Variants in NBAS observed in about 807,000 individuals in gnomAD.
NBAS encodes the protein NBAS subunit of NRZ tethering complex.
In NBAS, 219 loss-of-function variants were observed where a neutral mutation model predicts 302.5. The observed-to-expected ratio is 0.72, with a 90% CI of 0.65 to 0.81. The LOEUF (loss-of-function observed/expected upper bound fraction) is 0.81, where lower values mean the gene tolerates loss of function less well. NBAS is among the 30% of genes least tolerant of loss of function. The pLI is 0.00. For missense variants in NBAS, 2,932 were observed against 2,841.6 expected (o/e 1.03, Z -0.72); for synonymous variants, 1,118 against 1,021.6 (o/e 1.09, Z -1.80).
At chr2:15,106,900 T>C in the NBAS span, among the ~76,000 whole-genome samples, 16 of 152,004 alleles carry the variant, frequency 1.1e-4, no homozygotes, top group African/African-American at 3.6e-4. Context: ...TGAGAATTGG[T>C]ATAAAACACA....
intron 47 of NBAS, among the ~76,000 whole-genome samples, chr2:15,229,646 G>A (rs934346485): frequency 6.6e-6 from 1 of 151,788 alleles, no homozygotes; most frequent in Non-Finnish European, 1.5e-5. Flanking sequence ...GCTGGACATG[G>A]TGGCAGGCAA....
intron 42 of NBAS, among the ~76,000 whole-genome samples, chr2:15,285,194 T>C (rs1669983912): frequency 6.6e-6 from 1 of 152,124 alleles, no homozygotes; most frequent in Admixed American, 6.5e-5. Flanking sequence ...AGCAATTTAA[T>C]AAATACTTAA....
the NBAS span, among the ~76,000 whole-genome samples, chr2:15,140,581 C>T: frequency 2.0e-5 from 3 of 152,178 alleles, no homozygotes; most frequent in African/African-American, 7.2e-5. Context: ...TACAGGAAAG[C>T]ATTTGGTAAA....
At chr2:15,209,783 T>A (rs1350706944) in intron 48 of NBAS, among the ~76,000 whole-genome samples, 1 of 151,990 alleles carries the variant, frequency 6.6e-6, no homozygotes, top group Non-Finnish European at 1.5e-5. Context: ...TACACAAACA[T>A]CAGTGGAACA....
chr2:14,788,442 C>A, the NBAS span, among the ~76,000 whole-genome samples: 1 of 152,076 alleles, frequency 6.6e-6, no homozygotes, highest in Non-Finnish European at 1.5e-5. Context: ...TTTTCCCCAT[C>A]TTTGTGGTTT....
chr2:15,215,978 G>A (rs1337931372), intron 48 of NBAS, among the ~76,000 whole-genome samples: 1 of 152,096 alleles, frequency 6.6e-6, no homozygotes, highest in Non-Finnish European at 1.5e-5. Flanking sequence ...AGAAGTTGTT[G>A]GTGTTTCCAT....
chr2:15,536,270 T>G, intron 8 of NBAS, 148 bp downstream of exon 8: 1 of 878,656 alleles, frequency 1.1e-6, no homozygotes, highest in Non-Finnish European at 1.7e-6. Flanking sequence ...GTAATGGGTG[T>G]TCACCACACC....
chr2:15,405,272 G>C (rs1362219906), intron 25 of NBAS, among the ~76,000 whole-genome samples: 2 of 152,140 alleles, frequency 1.3e-5, no homozygotes, highest in Non-Finnish European at 2.9e-5. Context: ...TTCTCTCTCT[G>C]TATTCCTATG....
chr2:15,467,268 C>T (rs539504625), intron 19 of NBAS, 61 bp downstream of exon 19: 10 of 1,175,818 alleles, frequency 8.5e-6, no homozygotes, highest in Admixed American at 5.1e-5. Flanking sequence ...TTAGGGCAGC[C>T]ATAGCATTTA....
the NBAS span, among the ~76,000 whole-genome samples, chr2:15,020,380 G>T: frequency 6.6e-6 from 1 of 152,212 alleles, no homozygotes; most frequent in Non-Finnish European, 1.5e-5. Flanking sequence ...CAAGAAGTGT[G>T]CTGGTGAATG....
intron 35 of NBAS, among the ~76,000 whole-genome samples, chr2:15,338,013 G>A (rs1459521931): frequency 1.3e-5 from 2 of 152,156 alleles, no homozygotes; most frequent in Non-Finnish European, 2.9e-5. Flanking sequence ...TTAATGTAAA[G>A]TGTGTTACAC....
chr2:15,389,810 G>GTGCA (rs1675498492), intron 28 of NBAS, among the ~76,000 whole-genome samples: 1 of 152,222 alleles, frequency 6.6e-6, no homozygotes. Context: ...CCAGACTGGA[G>GTGCA]TGCAGTGGCA....
At chr2:15,220,249 GC>G (rs1254393752) in intron 47 of NBAS, among the ~76,000 whole-genome samples, 1 of 151,442 alleles carries the variant, frequency 6.6e-6, no homozygotes, top group East Asian at 1.9e-4. Flanking sequence ...CCCAGTAGGG[GC>G]GGCCGGGCAG....
Position 15,179,005 on chromosome 2 carries a change from T to C in NBAS, c.6823A>G (p.Ile2275Val), listed in dbSNP as rs1161309109. 1.9e-6 allele frequency: 3 copies of C among 1,613,664 alleles called. No homozygotes were observed. The highest frequency in any genetic ancestry group is 2.5e-6 in the Non-Finnish European group (3 of 1,179,974). Residue 2275 changes from isoleucine (I) to valine (V), a missense_variant, in exon 51 of 52, where the codon ATC becomes GTC. Physicochemically the swap from Ile to Val is conservative, Grantham distance 29 (BLOSUM62 3). Coordinates refer to ENST00000281513, the MANE Select transcript of NBAS (RefSeq NM_015909.4). ...GGGCATACCGTAGTGACTGCCGTGA[T>C]TTGCTCCAGTGCCATCTCGTGCAGA... ...EHLHEMALEQITAVTTVNDSN... is the reference protein window; with the variant it reads ...EHLHEMALEQVTAVTTVNDSN...
At chr2:15,233,900 T>G (rs2147931870) in intron 46 of NBAS, among the ~76,000 whole-genome samples, 1 of 152,288 alleles carries the variant, frequency 6.6e-6, no homozygotes, top group South Asian at 2.1e-4. Flanking sequence ...TAAACATAAC[T>G]AAATCTTTTA....
At chr2:15,245,030 G>A (rs565743226) in intron 44 of NBAS, among the ~76,000 whole-genome samples, 1 of 152,188 alleles carries the variant, frequency 6.6e-6, no homozygotes, top group East Asian at 1.9e-4. Context: ...GGGCCCTGAG[G>A]GAGGCGTCTG....
chr2:14,992,580 T>C, the NBAS span, among the ~76,000 whole-genome samples: 1 of 152,198 alleles, frequency 6.6e-6, no homozygotes, highest in South Asian at 2.1e-4. Flanking sequence ...CAGGAGATGG[T>C]TCAGGGCTGC....
the NBAS span, among the ~76,000 whole-genome samples, chr2:15,109,404 A>G: frequency 2.0e-5 from 3 of 152,124 alleles, no homozygotes; most frequent in Non-Finnish European, 4.4e-5. Context: ...TGAGGATAAC[A>G]ATCTCCCTGC....
the NBAS span, among the ~76,000 whole-genome samples, chr2:15,033,848 T>G: frequency 2.6e-5 from 4 of 152,012 alleles, no homozygotes; most frequent in Non-Finnish European, 2.9e-5. Context: ...CTCAGGAGGC[T>G]ACAGTGTGAT....
Sources: allele counts gnomAD v4.1 joint callset (sites outside exome capture counted in the v4.1 genomes callset), GRCh38; gene constraint gnomAD v4.1.1; transcripts MANE v1.5; gene names NCBI Gene and HGNC (gene_info 2026-07-23, HGNC 2026-07-21).